Variants in GABRA4 observed in about 807,000 individuals in gnomAD.
GABRA4 encodes the protein gamma-aminobutyric acid type A receptor subunit alpha4.
GABRA4 carries 12 observed loss-of-function variants against 49.7 expected under a neutral mutation model. That is an observed-to-expected ratio of 0.24 (90% CI 0.15 to 0.39). The LOEUF is 0.39. Ranked by LOEUF, GABRA4 falls within the 10% of genes least tolerant of loss-of-function variation. The pLI is 1.00. For synonymous variants in GABRA4, 288 were observed against 240.2 expected, an observed-to-expected ratio of 1.20 and a Z score of -1.84; for missense variants, 506 against 686.0, an observed-to-expected ratio of 0.74 and a Z score of 2.93.
intron 2 of GABRA4, among the ~76,000 whole-genome samples, chr4:46,991,560 C>T (rs1034139698): frequency 1.3e-5 from 2 of 152,178 alleles, no homozygotes; most frequent in Non-Finnish European, 2.9e-5. Flanking sequence ...CTCCTACACA[C>T]CCTCAATAGG....
At chr4:46,938,897 T>G (rs1178595721) in intron 8 of GABRA4, among the ~76,000 whole-genome samples, 2 of 151,854 alleles carry the variant, frequency 1.3e-5, no homozygotes, top group Non-Finnish European at 2.9e-5. Flanking sequence ...GGGTGAAAAA[T>G]AATACACTCC....
intron 2 of GABRA4, among the ~76,000 whole-genome samples, chr4:46,988,523 T>C (rs576799092): frequency 5.3e-5 from 8 of 152,228 alleles, no homozygotes; most frequent in Non-Finnish European, 1.0e-4. Context: ...GGCTAGCACA[T>C]GACACATTAA....
At chr4:46,976,416 C>T (rs899689542) in intron 5 of GABRA4, among the ~76,000 whole-genome samples, 1 of 143,460 alleles carries the variant, frequency 7.0e-6, no homozygotes, top group Admixed American at 6.9e-5. Flanking sequence ...GAAAGCTACA[C>T]TGTTTTGTCA....
intron 8 of GABRA4, among the ~76,000 whole-genome samples, chr4:46,933,971 C>A (rs1721526706): frequency 6.6e-6 from 1 of 152,108 alleles, no homozygotes; most frequent in African/African-American, 2.4e-5. Flanking sequence ...TCAGTCATGA[C>A]TGTGATCTGA....
chr4:46,931,997 T>C (rs12508654), intron 8 of GABRA4, among the ~76,000 whole-genome samples: 1 of 151,998 alleles, frequency 6.6e-6, no homozygotes, highest in Non-Finnish European at 1.5e-5. Context: ...AGTATCATTT[T>C]TTTTGTTATG....
chr4:46,982,108 T>C (rs914070410), intron 2 of GABRA4, among the ~76,000 whole-genome samples: 1 of 152,116 alleles, frequency 6.6e-6, no homozygotes, highest in Non-Finnish European at 1.5e-5. Flanking sequence ...AACATACTTA[T>C]AATATATGCT....
Position 46,928,161 on chromosome 4 carries a change from A to T in GABRA4, c.*64T>A. 2 of 1,311,306 alleles carry T rather than the reference A, an allele frequency of 1.5e-6. No individual in the cohort carries two copies. Among genetic ancestry groups the T allele is most frequent in the Admixed American group, 2.4e-5 (1 of 42,150 alleles). The allele number at this position is 1,311,306 out of a possible 1,614,324, so 81.2% of individuals were successfully genotyped here. ...TAGTAAAGAATATTTGTTTATATTT[A>T]AAAACATTTAAAAAGACATTCTGCA... On this transcript the variant is annotated 3_prime_UTR_variant, in exon 9 of 9. Coordinates refer to ENST00000264318, the MANE Select transcript of GABRA4 (RefSeq NM_000809.4).
At chr4:46,946,951 A>T (rs1435386045) in intron 8 of GABRA4, among the ~76,000 whole-genome samples, 6 of 152,080 alleles carry the variant, frequency 3.9e-5, no homozygotes, top group Non-Finnish European at 5.9e-5. Flanking sequence ...TATGCCGTGG[A>T]AGCCTGCTGG....
intron 2 of GABRA4, among the ~76,000 whole-genome samples, chr4:46,984,101 G>A (rs1011969511): frequency 3.3e-5 from 5 of 151,972 alleles, no homozygotes; most frequent in Non-Finnish European, 5.9e-5. Context: ...AATCATTTTT[G>A]AAATTTCATC....
intron 8 of GABRA4, among the ~76,000 whole-genome samples, chr4:46,945,412 A>G (rs972012328): frequency 6.6e-6 from 1 of 152,092 alleles, no homozygotes; most frequent in Non-Finnish European, 1.5e-5. Flanking sequence ...GAGCAAAGGG[A>G]TGAGAAATAT....
chr4:46,983,348 A>G (rs927658983), intron 2 of GABRA4, among the ~76,000 whole-genome samples: 1 of 152,080 alleles, frequency 6.6e-6, no homozygotes, highest in Non-Finnish European at 1.5e-5. Context: ...TTATTACAGC[A>G]TACTGCTTGG....
chr4:46,965,816 A>C (rs1722733057), intron 7 of GABRA4, among the ~76,000 whole-genome samples: 1 of 151,850 alleles, frequency 6.6e-6, no homozygotes, highest in South Asian at 2.1e-4. Flanking sequence ...TTGAATTAAA[A>C]TACTAAATTT....
At chr4:46,977,727 A>G in intron 3 of GABRA4, 97 bp from the exon 4 acceptor site, 1 of 755,490 alleles carries the variant, frequency 1.3e-6, no homozygotes, top group Non-Finnish European at 2.1e-6. Context: ...CATGCTCATA[A>G]AAAAATACCA....
intron 5 of GABRA4, 78 bp from the exon 6 acceptor site, chr4:46,974,453 A>G: frequency 7.6e-7 from 1 of 1,315,384 alleles, no homozygotes; most frequent in Non-Finnish European, 1.0e-6. Context: ...TAAAAACAGT[A>G]CTTGTTCAAG....
chr4:46,943,954 G>A (rs192870361), intron 8 of GABRA4, among the ~76,000 whole-genome samples: 169 of 152,042 alleles, frequency 1.1e-3, no homozygotes, highest in African/African-American at 3.9e-3. Flanking sequence ...TCAGTAGAAT[G>A]GTGGATACCA....
At chr4:46,972,177 G>A (rs1027362012) in intron 6 of GABRA4, among the ~76,000 whole-genome samples, 2 of 151,498 alleles carry the variant, frequency 1.3e-5, no homozygotes, top group Non-Finnish European at 3.0e-5. Context: ...CTACTGTATT[G>A]TTTCATAATT....
chr4:46,965,762 G>A lies in GABRA4; in HGVS notation c.875-533C>T, dbSNP rs112368161. ...CTATTGAGAACCACTGCCAGAAAAG[G>A]CATGAATTATACATAGGTCTTTCTT... On this transcript the variant is annotated intron_variant, in intron 7 of 8. Coordinates refer to ENST00000264318, the MANE Select transcript of GABRA4 (RefSeq NM_000809.4). Among the ~76,000 whole-genome samples, 727 of 151,850 alleles carry A rather than the reference G, an allele frequency of 4.8e-3. 3 individuals are homozygous for A. The highest frequency in any genetic ancestry group is 7.3e-3 in the Non-Finnish European group (493 of 67,814).
intron 2 of GABRA4, among the ~76,000 whole-genome samples, chr4:46,990,735 G>T (rs1478778014): frequency 2.6e-5 from 4 of 152,070 alleles, no homozygotes; most frequent in African/African-American, 7.2e-5. Flanking sequence ...CACTATTTTT[G>T]ATCTAAAATG....
chr4:46,971,195 C>T lies in GABRA4; in HGVS notation c.762G>A (p.Arg254=). 1 of 1,609,710 alleles carries T rather than the reference C, an allele frequency of 6.2e-7. No individual in the cohort carries two copies. Among genetic ancestry groups the T allele is most frequent in the African/African-American group, 1.3e-5 (1 of 74,748 alleles). ...TCTGAATCATAAAATAACCCATCTT[C>T]CGTCTGAGGTGGAAGTAAACCGTCA... The part of the protein sequence containing the change: ...IVMTVYFHLR[R]KMGYFMIQTY... Residue 254 remains arginine (R), a synonymous_variant, in exon 7 of 9, where the codon CGG becomes CGA. Transcript: ENST00000264318.
Sources: allele counts gnomAD v4.1 joint callset (sites outside exome capture counted in the v4.1 genomes callset), GRCh38; gene constraint gnomAD v4.1.1; transcripts MANE v1.5; gene names NCBI Gene and HGNC (gene_info 2026-07-23, HGNC 2026-07-21).